The following NCOR2 variants were observed in gnomAD, a reference collection of about 807,000 sequenced individuals.
NCOR2 encodes the protein CTG repeat protein 26.
A neutral mutation model predicts 262.9 loss-of-function variants in NCOR2; 81 were observed. That is an observed-to-expected ratio of 0.31 (90% CI 0.26 to 0.37). NCOR2 has a LOEUF of 0.37. Among genes scored for constraint, NCOR2 ranks in the 10% least tolerant of loss-of-function variants. The probability of loss-of-function intolerance (pLI) is 1.00; values close to 1 mark genes in which losing one functional copy is unlikely to be tolerated. For synonymous variants in NCOR2, 1,659 were observed against 1,559.3 expected (o/e 1.06, Z -1.51); for missense variants, 3,385 against 3,621.4 (o/e 0.93, Z 1.68).
chr12:124,512,941 C>T (rs564005401), intron 1 of NCOR2, among the ~76,000 whole-genome samples: 3 of 152,200 alleles, frequency 2.0e-5, no homozygotes, highest in Non-Finnish European at 4.4e-5. Context: ...ACCAGACAAA[C>T]GGTGGGGCCA....
chr12:124,473,174 AC>A (rs1332823719), intron 3 of NCOR2, 43 bp from the exon 6 acceptor site: 22 of 1,603,616 alleles, frequency 1.4e-5, no homozygotes, highest in Non-Finnish European at 1.5e-5. Context: ...CACAGGGGAC[AC>A]CCCCCAGTCT....
chr12:124,443,198 G>A lies in NCOR2; in HGVS notation c.816-5202C>T, dbSNP rs569464969. Among the ~76,000 whole-genome samples, 7 of 152,354 alleles carry A rather than the reference G, an allele frequency of 4.6e-5. No individual in the cohort carries two copies. In the South Asian group the frequency reaches 1.4e-3, roughly 32 times the overall value. Reference sequence around the variant, plus strand: ...GTGATCTTCCACAAACCGCGGTGCTGTCACTGCAGCTGGAAAACGACTCGG... The same window carrying A: ...GTGATCTTCCACAAACCGCGGTGCTATCACTGCAGCTGGAAAACGACTCGG... On this transcript the variant is annotated intron_variant, in intron 7 of 46. Transcript: ENST00000405201. This position sits in a 1 kb window ranked among gnomAD's most constrained non-coding sequence, Gnocchi z 4.4.
chr12:124,532,910 C>T (rs2050896229), intron 1 of NCOR2, among the ~76,000 whole-genome samples: 1 of 144,856 alleles, frequency 6.9e-6, no homozygotes, highest in African/African-American at 2.5e-5. Flanking sequence ...TCCCCCCTCC[C>T]TCCAAGTCCC....
chr12:124,433,906 A>ACACACACACACG (rs2044175332), intron 8 of NCOR2, among the ~76,000 whole-genome samples: 2 of 145,106 alleles, frequency 1.4e-5, no homozygotes, highest in South Asian at 2.1e-4. Context: ...ACACGCACAC[A>ACACACACACACG]CACACACAGG....
Position 124,389,173 on chromosome 12 carries a change from G to A in NCOR2, c.1877-3286C>T, listed in dbSNP as rs932045140. ...CCTCCAGCACCAATGTGCCCAGTGCGGACGCTCAGCGAGCAATGCCGGCCA... is the reference window on the plus strand; with the variant it reads ...CCTCCAGCACCAATGTGCCCAGTGCAGACGCTCAGCGAGCAATGCCGGCCA... On this transcript the variant is annotated intron_variant, in intron 16 of 46. Transcript: ENST00000405201. The surrounding 1 kb of genome is among the most constrained non-coding windows in gnomAD (Gnocchi z 4.4). 5.9e-5 allele frequency among the ~76,000 whole-genome samples: 9 copies of A among 152,254 alleles called. No individual in the cohort carries two copies. The highest frequency in any genetic ancestry group is 1.9e-4 in the East Asian group (1 of 5,194).
At chr12:124,541,335 T>G (rs1370189903) in intron 1 of NCOR2, among the ~76,000 whole-genome samples, 1 of 3,174 alleles carries the variant, frequency 3.2e-4, no homozygotes, top group Non-Finnish European at 6.0e-4. Context: ...GGATGGGGAG[T>G]GGAGATGGAG....
chr12:124,379,852 G>C (rs951462204), intron 17 of NCOR2, among the ~76,000 whole-genome samples: 4 of 152,242 alleles, frequency 2.6e-5, no homozygotes, highest in African/African-American at 9.6e-5. Flanking sequence ...GGGACACGAA[G>C]GCCCTGTGGC....
chr12:124,449,539 G>A (rs531078676), intron 7 of NCOR2, among the ~76,000 whole-genome samples: 35 of 152,270 alleles, frequency 2.3e-4, no homozygotes, highest in African/African-American at 6.7e-4. Context: ...TCTGACCTCC[G>A]TCTCTCCAGA....
rs868429230 is a variant in NCOR2 at position 124,503,143 on chromosome 12, C to T, written c.-117-7775G>A. On this transcript the variant is annotated intron_variant, in intron 1 of 46. Transcript: ENST00000404621. The surrounding 1 kb of genome is among the most constrained non-coding windows in gnomAD (Gnocchi z 4.3). ...GGCAAGCCAAACCCATCCCAAACTC[C>T]GGTTGCTGACCCATTCTCATCAATT... 6.9e-4 allele frequency among the ~76,000 whole-genome samples: 105 copies of T among 152,366 alleles called. No homozygotes were observed. The highest frequency in any genetic ancestry group is 2.4e-3 in the African/African-American group (99 of 41,588).
At chr12:124,423,103 G>A (rs573410090) in intron 11 of NCOR2, among the ~76,000 whole-genome samples, 6 of 152,356 alleles carry the variant, frequency 3.9e-5, no homozygotes, top group South Asian at 2.1e-4. Flanking sequence ...GACTTAAGTC[G>A]GAGGGCGGTG....
exon 36 of NCOR2, chr12:124,340,437 G>A: frequency 6.2e-7 from 1 of 1,611,786 alleles, no homozygotes; most frequent in Non-Finnish European, 8.5e-7. Context: ...CAAGTGTGTT[G>A]GACCTCCTAG....
upstream of NCOR2, chr12:124,495,420 C>G: frequency 1.5e-6 from 2 of 1,332,822 alleles, no homozygotes; most frequent in Non-Finnish European, 2.0e-6. The surrounding 1 kb of genome is among the most constrained non-coding windows in gnomAD (Gnocchi z 4.4). Flanking sequence ...GCAGCTGGCT[C>G]CTCCGTGCAC....
chr12:124,366,521 G>A (rs2039049715), intron 20 of NCOR2, among the ~76,000 whole-genome samples: 1 of 151,740 alleles, frequency 6.6e-6, no homozygotes, highest in Non-Finnish European at 1.5e-5. Context: ...AATGATACAC[G>A]TTTTTTTTGA....
rs1204877587 is a variant in NCOR2, at chr12:124,495,045, A to T, written c.105+102T>A. The T allele has an allele frequency of 4.8e-6, 7 of 1,446,814 alleles. No homozygotes were observed. Among genetic ancestry groups the T allele is most frequent in the Admixed American group, 4.4e-5 (2 of 45,222 alleles). The allele number at this position is 1,446,814 out of a possible 1,614,324, so 89.6% of individuals were successfully genotyped here. ...CCTCTGCCCTGGGAGGCTCAGAGCC[A>T]CATGAGCCTGGCTCCCAGGAGAAAG... On this transcript the variant is annotated intron_variant, in intron 1 of 46. Transcript: ENST00000405201. This position sits in a 1 kb window ranked among gnomAD's most constrained non-coding sequence, Gnocchi z 4.4.
chr12:124,385,066 G>A (rs547815329), intron 17 of NCOR2, among the ~76,000 whole-genome samples: 1 of 152,266 alleles, frequency 6.6e-6, no homozygotes, highest in East Asian at 1.9e-4. Context: ...AGGAAGGGAA[G>A]GAGAGAGGGA....
chr12:124,466,402 G>T, intron 4 of NCOR2, 116 bp from the exon 7 acceptor site: 1 of 860,420 alleles, frequency 1.2e-6, no homozygotes, highest in Non-Finnish European at 1.8e-6. Flanking sequence ...CGCACAGGAA[G>T]TCAGGCTGCT....
intron 17 of NCOR2, among the ~76,000 whole-genome samples, chr12:124,383,918 T>C (rs899625951): frequency 6.6e-6 from 1 of 151,558 alleles, no homozygotes; most frequent in Admixed American, 6.6e-5. Context: ...TCTCTAGGGG[T>C]ACAGTGGGGC....
chr12:124,508,844 G>A (rs1042817814), intron 1 of NCOR2, among the ~76,000 whole-genome samples: 7 of 152,186 alleles, frequency 4.6e-5, no homozygotes, highest in African/African-American at 1.7e-4. Context: ...GTCACTGGAC[G>A]CCACAAGAGA....
chr12:124,567,100 C>G (rs1299625330), intron 1 of NCOR2, among the ~76,000 whole-genome samples: 1 of 151,854 alleles, frequency 6.6e-6, no homozygotes, highest in Non-Finnish European at 1.5e-5. Flanking sequence ...TGGAGTTCCC[C>G]TAAGTTCCCC....
Sources: gnomAD v4.1 joint callset for allele counts (sites outside exome capture counted in the v4.1 genomes callset) on GRCh38, gnomAD v4.1.1 for gene constraint, Gnocchi (gnomAD v3.1) non-coding constraint, MANE v1.5 for transcripts, NCBI Gene and HGNC (gene_info 2026-07-23, HGNC 2026-07-21) for gene names.